ZCCHC14: variants seen among roughly 807,000 people sequenced by gnomAD.
ZCCHC14 encodes the protein zinc finger CCHC-type containing 14, also known as zinc finger CCHC domain-containing protein 14.
Under a neutral mutation model 85.0 loss-of-function variants are expected in ZCCHC14, and 16 were observed. That is an observed-to-expected ratio of 0.19 (90% confidence interval 0.13 to 0.29). The LOEUF (loss-of-function observed/expected upper bound fraction) is 0.29. ZCCHC14 is among the 10% of genes least tolerant of loss of function. The pLI, the probability that ZCCHC14 is intolerant of heterozygous loss-of-function variation, is 1.00. For missense variants in ZCCHC14, 1,303 were observed against 1,443.5 expected (o/e 0.90, Z 1.58); for synonymous variants, 775 against 630.7 (o/e 1.23, Z -3.43).
chr16:87,440,029 A>C (rs1910109368), intron 2 of ZCCHC14, among the ~76,000 whole-genome samples: 1 of 152,002 alleles, frequency 6.6e-6, no homozygotes, highest in Admixed American at 6.6e-5. Flanking sequence ...CTGCGCTCGA[A>C]CTCCAGGGCT....
chr16:87,450,348 G>A (rs574118167), intron 2 of ZCCHC14, among the ~76,000 whole-genome samples: 7 of 152,256 alleles, frequency 4.6e-5, no homozygotes, highest in Admixed American at 3.9e-4. Context: ...TCTTGTAGCT[G>A]TTATTAGAAT....
At chr16:87,416,572 T>C (rs924357999) in intron 8 of ZCCHC14, among the ~76,000 whole-genome samples, 2 of 152,004 alleles carry the variant, frequency 1.3e-5, no homozygotes, top group Admixed American at 6.6e-5. Flanking sequence ...CTGGCCAACA[T>C]AGGGAAACCC....
intron 1 of ZCCHC14, among the ~76,000 whole-genome samples, chr16:87,469,875 C>T (rs1911701197): frequency 6.6e-6 from 1 of 152,150 alleles, no homozygotes; most frequent in Admixed American, 6.5e-5. Flanking sequence ...GCTCCGTGTT[C>T]CCTGCACTGG....
chr16:87,489,098 T>G (rs1912638283), intron 1 of ZCCHC14, among the ~76,000 whole-genome samples: 3 of 152,242 alleles, frequency 2.0e-5, no homozygotes, highest in South Asian at 4.1e-4. Context: ...AGATTTCATC[T>G]GAGTTGCATG....
chr16:87,467,802 C>A (rs560906476), intron 1 of ZCCHC14: 2 of 461,710 alleles, frequency 4.3e-6, no homozygotes, highest in South Asian at 2.1e-5. Flanking sequence ...CAGGCGCGCA[C>A]CACCACGCCC....
intron 9 of ZCCHC14, 76 bp downstream of exon 9, chr16:87,415,200 C>G: frequency 7.6e-7 from 1 of 1,310,958 alleles, no homozygotes; most frequent in East Asian, 2.3e-5. Flanking sequence ...GTATTTAGCA[C>G]TGGAAGCCTC....
At chr16:87,427,677 G>A (rs1321637417) in intron 3 of ZCCHC14, among the ~76,000 whole-genome samples, 5 of 151,950 alleles carry the variant, frequency 3.3e-5, no homozygotes, top group South Asian at 2.1e-4. Context: ...TCTCACTGTC[G>A]CCCAAGTTGG....
chr16:87,437,946 G>A (rs1910008962), intron 2 of ZCCHC14, among the ~76,000 whole-genome samples: 1 of 152,222 alleles, frequency 6.6e-6, no homozygotes, highest in Admixed American at 6.5e-5. Flanking sequence ...ATGCCAAGGT[G>A]TACAGCTTCT....
At chr16:87,481,526 C>CGGGG (rs1315025919) in intron 1 of ZCCHC14, among the ~76,000 whole-genome samples, 3 of 2,428 alleles carry the variant, frequency 1.2e-3, no homozygotes, top group African/African-American at 3.9e-3. Context: ...GGGAGAGAAA[C>CGGGG]GGGGGGGGGG....
chr16:87,469,885 G>A (rs1567539119), intron 1 of ZCCHC14, among the ~76,000 whole-genome samples: 1 of 152,170 alleles, frequency 6.6e-6, no homozygotes, highest in Non-Finnish European at 1.5e-5. Context: ...CCCTGCACTG[G>A]GGGCCAGGGC....
intron 2 of ZCCHC14, among the ~76,000 whole-genome samples, chr16:87,456,772 G>T (rs1052395086): frequency 6.6e-6 from 1 of 152,080 alleles, no homozygotes; most frequent in Non-Finnish European, 1.5e-5. Context: ...AATACCTATA[G>T]ATGTGACCCA....
intron 3 of ZCCHC14, among the ~76,000 whole-genome samples, chr16:87,432,758 C>A (rs1307684871): frequency 6.6e-6 from 1 of 152,168 alleles, no homozygotes; most frequent in East Asian, 1.9e-4. Context: ...AGGAGCGTTC[C>A]CTGCCCAGAC....
intron 2 of ZCCHC14, among the ~76,000 whole-genome samples, chr16:87,451,545 C>G (rs1910703451): frequency 6.6e-6 from 1 of 152,164 alleles, no homozygotes. Flanking sequence ...AATTTAGGGG[C>G]CTTAGGAAAG....
chr16:87,491,451 G>T lies in ZCCHC14; in HGVS notation c.570+218C>A, dbSNP rs1051772944. On this transcript the variant is annotated intron_variant, in intron 1 of 12. Coordinates refer to ENST00000671377, the MANE Select transcript of ZCCHC14 (RefSeq NM_015144.3). The surrounding 1 kb of genome is among the most constrained non-coding windows in gnomAD (Gnocchi z 5.9). ...GCTTGGGATGTACGGTGGAGGCTTG[G>T]AGAGGTGGGGCACACATTTGGGGTG... 6.6e-6 allele frequency among the ~76,000 whole-genome samples: 1 copy of T among 152,106 alleles called. No individual in the cohort carries two copies. The highest frequency in any genetic ancestry group is 2.4e-5 in the African/African-American group (1 of 41,418).
At chr16:87,465,319 C>T (rs1246565327) in intron 1 of ZCCHC14, among the ~76,000 whole-genome samples, 1 of 152,246 alleles carries the variant, frequency 6.6e-6, no homozygotes, top group Non-Finnish European at 1.5e-5. Flanking sequence ...ATCATGATAT[C>T]ACCAAATTTT....
chr16:87,407,709 A>G lies in ZCCHC14; in HGVS notation c.*2571T>C, dbSNP rs1325745286. The stretch of plus-strand genomic sequence containing the variant: ...GCCACAGCATTCTGAAACAGACCAC[A>G]CTTTCAGGAAAATGACTAAGTACTT... On this transcript the variant is annotated 3_prime_UTR_variant, in exon 13 of 13. Coordinates refer to ENST00000671377, the MANE Select transcript of ZCCHC14 (RefSeq NM_015144.3). 6.6e-6 allele frequency: 1 copy of G among 152,190 alleles called. No homozygotes were observed. The highest frequency in any genetic ancestry group is 1.9e-4 in the East Asian group (1 of 5,190). The allele number at this position is 152,190 out of a possible 1,614,324, so 9.4% of individuals were successfully genotyped here. A position where few individuals can be genotyped will look rare whatever the true frequency, so the allele number is the denominator to read the frequency against.
At position 87,463,617 on chromosome 16, in the gene ZCCHC14, G is replaced by A. The variant is rs146990291; in HGVS notation, c.571-3486C>T. On this transcript the variant is annotated intron_variant, in intron 1 of 12. Transcript: ENST00000671377. Reference sequence around the variant, plus strand: ...ACAGATCACCTGAGGTCAGGAGTTCGAGACCAGCCTGGCCAACATGGTGAA... The same window carrying A: ...ACAGATCACCTGAGGTCAGGAGTTCAAGACCAGCCTGGCCAACATGGTGAA... Among the ~76,000 whole-genome samples, 90 of 152,186 alleles carry A rather than the reference G, an allele frequency of 5.9e-4. 1 individual carries two copies. In the East Asian group the frequency reaches 0.014, roughly 24 times the overall value.
At chr16:87,434,501 T>C (rs954616451) in intron 2 of ZCCHC14, among the ~76,000 whole-genome samples, 3 of 152,246 alleles carry the variant, frequency 2.0e-5, no homozygotes, top group Non-Finnish European at 4.4e-5. Context: ...GCGACGGGGA[T>C]GTCTGCTAAT....
At chr16:87,455,862 G>C (rs1020108550) in intron 2 of ZCCHC14, among the ~76,000 whole-genome samples, 2 of 152,180 alleles carry the variant, frequency 1.3e-5, no homozygotes, top group Non-Finnish European at 2.9e-5. Context: ...TATGAAGTGG[G>C]CTGTGTGTTA....
Sources: gnomAD v4.1 joint callset for allele counts (sites outside exome capture counted in the v4.1 genomes callset) on GRCh38, gnomAD v4.1.1 for gene constraint, Gnocchi (gnomAD v3.1) non-coding constraint, MANE v1.5 for transcripts, NCBI Gene and HGNC (gene_info 2026-07-23, HGNC 2026-07-21) for gene names.